The following RTL4 variants were observed in gnomAD, a reference collection of about 807,000 sequenced individuals.
The protein encoded by RTL4 is retrotransposon Gag-like protein 4.
Under a neutral mutation model 5.3 loss-of-function variants are expected in RTL4, and 4 were observed. The ratio of observed to expected loss-of-function variants is 0.75; its 90% CI spans 0.37 to 1.72. The LOEUF (loss-of-function observed/expected upper bound fraction) is 1.72. Ranked by LOEUF, RTL4 falls within the 40% of genes most tolerant of loss-of-function variation. The pLI is 0.04. For missense variants in RTL4, 260 were observed against 227.1 expected, an observed-to-expected ratio of 1.14 and a Z score of -0.93; for synonymous variants, 98 against 87.3, an observed-to-expected ratio of 1.12 and a Z score of -0.68.
At chrX:112,256,365 A>G in the RTL4 span, among the ~76,000 whole-genome samples, 590 of 111,902 alleles carry the variant, frequency 5.3e-3, 1 homozygote, top group African/African-American at 0.018. Flanking sequence ...AATTAAATGT[A>G]CAATTAGAAA....
chrX:112,300,750 C>A, the RTL4 span, among the ~76,000 whole-genome samples: 3 of 112,451 alleles, frequency 2.7e-5, no homozygotes, highest in Admixed American at 1.9e-4. Flanking sequence ...TCGCATCCAT[C>A]GTATGGCACT....
chrX:112,340,372 G>A, the RTL4 span, among the ~76,000 whole-genome samples: 1 of 110,629 alleles, frequency 9.0e-6, no homozygotes, highest in African/African-American at 3.3e-5. Context: ...TCATATAATC[G>A]GTTTAGCTGA....
the RTL4 span, among the ~76,000 whole-genome samples, chrX:112,122,092 A>C: frequency 8.9e-6 from 1 of 111,744 alleles, no homozygotes; most frequent in Non-Finnish European, 1.9e-5. Context: ...AGTTTATAGG[A>C]AGAAAGGAAA....
At chrX:112,308,244 G>A in the RTL4 span, among the ~76,000 whole-genome samples, 1 of 111,250 alleles carries the variant, frequency 9.0e-6, no homozygotes, top group African/African-American at 3.3e-5. Context: ...GATACTTAGA[G>A]TGTCATTCAA....
the RTL4 span, among the ~76,000 whole-genome samples, chrX:112,278,033 T>C: frequency 2.7e-5 from 3 of 112,186 alleles, no homozygotes; most frequent in Non-Finnish European, 5.6e-5. Context: ...CTCTATTTGA[T>C]GTTACTTACT....
the RTL4 span, among the ~76,000 whole-genome samples, chrX:112,324,878 G>A: frequency 2.5e-3 from 283 of 111,519 alleles, no homozygotes; most frequent in African/African-American, 7.3e-3. Context: ...AGTTTATAGT[G>A]TTGCCTAAAT....
chrX:112,446,463 T>G, the RTL4 span, among the ~76,000 whole-genome samples: 5 of 112,023 alleles, frequency 4.5e-5, no homozygotes, highest in Non-Finnish European at 9.4e-5. Flanking sequence ...CTGCCACCAG[T>G]CTTGTTCTAT....
the RTL4 span, among the ~76,000 whole-genome samples, chrX:112,123,635 G>A: frequency 8.9e-6 from 1 of 111,894 alleles, no homozygotes; most frequent in African/African-American, 3.3e-5. Context: ...GATGTGTGGT[G>A]TTATTTCTGA....
chrX:112,196,428 A>C, the RTL4 span, among the ~76,000 whole-genome samples: 140 of 112,266 alleles, frequency 1.2e-3, no homozygotes, highest in Non-Finnish European at 1.9e-3. Flanking sequence ...GCTATCATGA[A>C]TAAAGCTGCT....
chrX:112,199,844 T>G, the RTL4 span, among the ~76,000 whole-genome samples: 1 of 112,325 alleles, frequency 8.9e-6, no homozygotes, highest in Non-Finnish European at 1.9e-5. Flanking sequence ...AGGTCTGCTC[T>G]GGATCATCCT....
the RTL4 span, among the ~76,000 whole-genome samples, chrX:112,124,676 G>C: frequency 3.0e-5 from 3 of 99,994 alleles, no homozygotes; most frequent in East Asian, 5.8e-4. Context: ...CCGGTTGTTG[G>C]GGGGGAGGGG....
the RTL4 span, among the ~76,000 whole-genome samples, chrX:112,330,347 G>T: frequency 1.1e-5 from 1 of 89,855 alleles, no homozygotes; most frequent in African/African-American, 5.8e-5. Context: ...AAAATCACAA[G>T]CATTCTTATA....
At chrX:112,434,582 C>A in the RTL4 span, among the ~76,000 whole-genome samples, 1 of 110,750 alleles carries the variant, frequency 9.0e-6, no homozygotes, top group Non-Finnish European at 1.9e-5. Context: ...TGGTGATATC[C>A]CCCTTATCAT....
the RTL4 span, among the ~76,000 whole-genome samples, chrX:112,276,527 C>T: frequency 3.0e-4 from 34 of 112,060 alleles, no homozygotes; most frequent in Non-Finnish European, 9.4e-5. Flanking sequence ...TCAATACTTA[C>T]ACAAATTAAT....
At chrX:112,101,651 G>A in the RTL4 span, among the ~76,000 whole-genome samples, 351 of 111,348 alleles carry the variant, frequency 3.2e-3, no homozygotes, top group Non-Finnish European at 5.3e-3. Context: ...TATTAGAAAT[G>A]TAATACAGTG....
the RTL4 span, among the ~76,000 whole-genome samples, chrX:112,290,035 G>A: frequency 4.5e-5 from 5 of 111,460 alleles, no homozygotes; most frequent in Non-Finnish European, 7.5e-5. Context: ...GGTGGGACAT[G>A]TGCAGACAAC....
chrX:112,451,862 T>C (rs766143948), upstream of RTL4, among the ~76,000 whole-genome samples: 2 of 111,357 alleles, frequency 1.8e-5, no homozygotes, highest in African/African-American at 6.5e-5. Flanking sequence ...GCCCTCCCCA[T>C]CCCTACTTCT....
At chrX:112,373,060 G>A in the RTL4 span, among the ~76,000 whole-genome samples, 2 of 111,328 alleles carry the variant, frequency 1.8e-5, no homozygotes, top group African/African-American at 6.5e-5. Flanking sequence ...GTTTACTCTT[G>A]TGTCTTTCTG....
At chrX:112,248,163 T>G in the RTL4 span, among the ~76,000 whole-genome samples, 1 of 112,459 alleles carries the variant, frequency 8.9e-6, no homozygotes, top group African/African-American at 3.2e-5. Context: ...ATAGCTATAA[T>G]TATTTCCAAG....
Sources: allele counts gnomAD v4.1 joint callset (sites outside exome capture counted in the v4.1 genomes callset), GRCh38; gene constraint gnomAD v4.1.1; transcripts MANE v1.5; gene names NCBI Gene and HGNC (gene_info 2026-07-23, HGNC 2026-07-21).